Variants in CALCRL observed in about 807,000 individuals in gnomAD.
CALCRL encodes calcitonin gene-related peptide type 1 receptor.
In CALCRL, 27 loss-of-function variants were observed where a neutral mutation model predicts 60.4. The observed-to-expected ratio is 0.45, with a 90% CI of 0.33 to 0.62. The LOEUF is 0.62. CALCRL is among the 20% of genes least tolerant of loss of function. The pLI is 0.03. For missense variants in CALCRL, 424 were observed against 540.7 expected, an observed-to-expected ratio of 0.78 and a Z score of 2.14; for synonymous variants, 190 against 182.6, an observed-to-expected ratio of 1.04 and a Z score of -0.33.
chr2:187,402,249 G>A (rs974317500), intron 1 of CALCRL, among the ~76,000 whole-genome samples: 6 of 151,410 alleles, frequency 4.0e-5, no homozygotes, highest in African/African-American at 1.5e-4. Context: ...TTAAGTTCTA[G>A]GGATCCAGAA....
At chr2:187,429,503 T>C in intron 1 of CALCRL, among the ~76,000 whole-genome samples, 1 of 152,208 alleles carries the variant, frequency 6.6e-6, no homozygotes, top group Non-Finnish European at 1.5e-5. Context: ...CAGTGGTAGA[T>C]GAGCTAAGAC....
chr2:187,363,907 A>G (rs977566089), intron 8 of CALCRL, among the ~76,000 whole-genome samples: 2 of 152,208 alleles, frequency 1.3e-5, no homozygotes, highest in African/African-American at 4.8e-5. Context: ...TCATGTGGAT[A>G]ACTTTTTTCA....
At chr2:187,360,977 AG>A (rs1046930802) in intron 9 of CALCRL, among the ~76,000 whole-genome samples, 1 of 152,026 alleles carries the variant, frequency 6.6e-6, no homozygotes, top group African/African-American at 2.4e-5. Context: ...CCAGAAAAAA[AG>A]TGTAACTTCT....
chr2:187,366,435 A>T (rs1315115047), intron 8 of CALCRL, among the ~76,000 whole-genome samples: 1 of 151,938 alleles, frequency 6.6e-6, no homozygotes, highest in Non-Finnish European at 1.5e-5. Context: ...AACACAAAGA[A>T]ATTATAAATA....
At position 187,342,642 on chromosome 2, in the gene CALCRL, T is replaced by C. The variant is rs1487239538; in HGVS notation, c.*3542A>G. 6.6e-6 allele frequency among the ~76,000 whole-genome samples: 1 copy of C among 151,588 alleles called. No individual in the cohort carries two copies. Among genetic ancestry groups the C allele is most frequent in the Non-Finnish European group, 1.5e-5 (1 of 67,640 alleles). ...ACAAGTGTTTTAAATGGGCATTTTC[T>C]CCAGAAAACAGAAAATGATGTACAT... On this transcript the variant is annotated 3_prime_UTR_variant, in exon 15 of 15. Coordinates refer to ENST00000392370, the MANE Select transcript of CALCRL (RefSeq NM_005795.6).
chr2:187,432,095 C>A (rs1254290447), intron 1 of CALCRL, among the ~76,000 whole-genome samples: 1 of 152,060 alleles, frequency 6.6e-6, no homozygotes, highest in Admixed American at 6.6e-5. Context: ...AAAGAGCATT[C>A]AAGAACTGGG....
At chr2:187,429,129 A>G (rs899010786) in intron 1 of CALCRL, among the ~76,000 whole-genome samples, 1 of 152,100 alleles carries the variant, frequency 6.6e-6, no homozygotes, top group Non-Finnish European at 1.5e-5. Flanking sequence ...AACTAGAAAT[A>G]GATGCTTCTG....
At chr2:187,364,078 A>G (rs1219368917) in intron 8 of CALCRL, among the ~76,000 whole-genome samples, 1 of 152,160 alleles carries the variant, frequency 6.6e-6, no homozygotes, top group African/African-American at 2.4e-5. Context: ...GCTTTACTGA[A>G]TTTTTCTAAT....
At chr2:187,379,064 A>G in intron 7 of CALCRL, 33 bp from the exon 8 acceptor site, 1 of 1,098,550 alleles carries the variant, frequency 9.1e-7, no homozygotes. Context: ...AATTTGGTTC[A>G]TATCAATACT....
intron 1 of CALCRL, among the ~76,000 whole-genome samples, chr2:187,405,399 C>G (rs1689073418): frequency 1.3e-5 from 2 of 151,918 alleles, no homozygotes; most frequent in African/African-American, 4.8e-5. Flanking sequence ...CTTGTTTTCT[C>G]ACCAATACTA....
At chr2:187,412,609 T>C (rs1488091675) in intron 1 of CALCRL, among the ~76,000 whole-genome samples, 2 of 152,244 alleles carry the variant, frequency 1.3e-5, no homozygotes, top group African/African-American at 4.8e-5. Context: ...ATTTAAATCA[T>C]AGACTATTAT....
intron 1 of CALCRL, among the ~76,000 whole-genome samples, chr2:187,413,465 A>G (rs550209063): frequency 6.6e-6 from 1 of 152,274 alleles, no homozygotes; most frequent in Admixed American, 6.5e-5. Context: ...ATGTAATTAT[A>G]TCTTCCCTCC....
At chr2:187,424,986 A>G (rs1690058117) in intron 1 of CALCRL, among the ~76,000 whole-genome samples, 2 of 151,964 alleles carry the variant, frequency 1.3e-5, no homozygotes, top group Non-Finnish European at 1.5e-5. Context: ...TATAATGTCT[A>G]CATAAGGGAA....
chr2:187,346,434 C>T, intron 14 of CALCRL, 35 bp from the exon 15 acceptor site: 1 of 1,466,026 alleles, frequency 6.8e-7, no homozygotes, highest in Non-Finnish European at 9.4e-7. Context: ...AGAACAAGAA[C>T]AACCCATTAA....
intron 8 of CALCRL, among the ~76,000 whole-genome samples, chr2:187,366,255 A>AAAAAAG (rs1687284510): frequency 6.7e-6 from 1 of 148,970 alleles, no homozygotes; most frequent in African/African-American, 2.5e-5. Flanking sequence ...GTCTCAAAAA[A>AAAAAAG]AAAAAAAAAA....
intron 1 of CALCRL, among the ~76,000 whole-genome samples, chr2:187,404,896 G>GA (rs577561892): frequency 1.1e-4 from 16 of 151,504 alleles, no homozygotes; most frequent in Non-Finnish European, 1.8e-4. Context: ...TGTACCAGAG[G>GA]AAAAAAAAGA....
chr2:187,431,453 A>G (rs2105893428), intron 1 of CALCRL: 1 of 154,900 alleles, frequency 6.5e-6, no homozygotes, highest in East Asian at 1.9e-4. Context: ...GTTAAATACT[A>G]GTGTGTTTCT....
chr2:187,415,335 A>T (rs1689553671), intron 1 of CALCRL, among the ~76,000 whole-genome samples: 1 of 152,222 alleles, frequency 6.6e-6, no homozygotes. Context: ...AGCACAGCCA[A>T]GGCAATTCAC....
At chr2:187,389,862 G>A (rs569071829) in intron 1 of CALCRL, among the ~76,000 whole-genome samples, 7 of 152,038 alleles carry the variant, frequency 4.6e-5, no homozygotes, top group Middle Eastern at 3.4e-3. Context: ...TATTAGTAAC[G>A]TATCTATTTC....
Sources: allele counts gnomAD v4.1 joint callset (sites outside exome capture counted in the v4.1 genomes callset), GRCh38; gene constraint gnomAD v4.1.1; transcripts MANE v1.5; gene names NCBI Gene and HGNC (gene_info 2026-07-23, HGNC 2026-07-21).